NKAIN3: variants seen among roughly 807,000 people sequenced by gnomAD.
The protein encoded by NKAIN3 is sodium/potassium-transporting ATPase subunit beta-1-interacting protein 3.
In NKAIN3, 25 loss-of-function variants were observed where a neutral mutation model predicts 30.2. That is an observed-to-expected ratio of 0.83 (90% CI 0.60 to 1.16). The LOEUF is 1.16. NKAIN3 is among the 50% of genes most tolerant of loss of function. The pLI, the probability that NKAIN3 is intolerant of heterozygous loss-of-function variation, is 0.00. For synonymous variants in NKAIN3, 91 were observed against 89.6 expected, an observed-to-expected ratio of 1.02 and a Z score of -0.09; for missense variants, 225 against 254.1, an observed-to-expected ratio of 0.89 and a Z score of 0.78.
At chr8:62,832,663 C>A (rs1023694450) in intron 4 of NKAIN3, among the ~76,000 whole-genome samples, 2 of 148,360 alleles carry the variant, frequency 1.3e-5, no homozygotes, top group African/African-American at 2.6e-5. Flanking sequence ...TATATATGCA[C>A]CCAATATTGG....
At chr8:62,337,334 T>C (rs1815590104) in intron 1 of NKAIN3, among the ~76,000 whole-genome samples, 1 of 152,012 alleles carries the variant, frequency 6.6e-6, no homozygotes, top group Non-Finnish European at 1.5e-5. Flanking sequence ...TTCAACACAA[T>C]GATCACCTTA....
intron 3 of NKAIN3, among the ~76,000 whole-genome samples, chr8:62,597,568 C>G (rs1165041051): frequency 6.6e-6 from 1 of 151,824 alleles, no homozygotes; most frequent in Non-Finnish European, 1.5e-5. Flanking sequence ...TTCTATTTTT[C>G]AAGGTGAAAA....
chr8:62,948,625 TTAAAG>T (rs1823192297), intron 5 of NKAIN3, among the ~76,000 whole-genome samples: 1 of 152,244 alleles, frequency 6.6e-6, no homozygotes, highest in Non-Finnish European at 1.5e-5. Flanking sequence ...TTTTACAACT[TTAAAG>T]TATCTTTTCA....
chr8:62,793,026 A>C (rs571919573), intron 4 of NKAIN3, among the ~76,000 whole-genome samples: 1 of 152,118 alleles, frequency 6.6e-6, no homozygotes, highest in Non-Finnish European at 1.5e-5. Context: ...TGTTGGTCAA[A>C]AGAGTCAACT....
intron 4 of NKAIN3, among the ~76,000 whole-genome samples, chr8:62,772,282 A>G (rs1482960545): frequency 6.6e-6 from 1 of 152,186 alleles, no homozygotes; most frequent in East Asian, 1.9e-4. Flanking sequence ...GTGTATGTAT[A>G]CCACATTTTC....
At chr8:62,392,181 A>G (rs1817602968) in intron 1 of NKAIN3, among the ~76,000 whole-genome samples, 1 of 152,062 alleles carries the variant, frequency 6.6e-6, no homozygotes, top group South Asian at 2.1e-4. Context: ...TGCTTTTGAA[A>G]TTGTTATTAC....
At chr8:62,520,127 A>C (rs2129780705) in intron 1 of NKAIN3, among the ~76,000 whole-genome samples, 1 of 152,250 alleles carries the variant, frequency 6.6e-6, no homozygotes, top group East Asian at 1.9e-4. Context: ...GATTTGTAGC[A>C]AGCTGGAGTT....
intron 1 of NKAIN3, among the ~76,000 whole-genome samples, chr8:62,268,793 T>C (rs541357698): frequency 1.3e-5 from 2 of 152,230 alleles, no homozygotes; most frequent in South Asian, 2.1e-4. Flanking sequence ...ACCCAGGTTC[T>C]CTCTACTGCT....
At chr8:62,353,532 A>T (rs1816247171) in intron 1 of NKAIN3, among the ~76,000 whole-genome samples, 1 of 152,188 alleles carries the variant, frequency 6.6e-6, no homozygotes, top group Non-Finnish European at 1.5e-5. Context: ...TGAATGGTAT[A>T]TTATCTGTTT....
chr8:62,253,279 T>C (rs1302026950), intron 1 of NKAIN3, among the ~76,000 whole-genome samples: 1 of 152,226 alleles, frequency 6.6e-6, no homozygotes, highest in African/African-American at 2.4e-5. Context: ...ATATTTTTTA[T>C]TGTAGAGAAC....
intron 1 of NKAIN3, among the ~76,000 whole-genome samples, chr8:62,272,753 G>A (rs1812816962): frequency 6.6e-6 from 1 of 152,080 alleles, no homozygotes; most frequent in African/African-American, 2.4e-5. Context: ...CTCTAACTAT[G>A]GCCTGCCAAG....
chr8:62,280,164 G>A (rs1433373325), intron 1 of NKAIN3, among the ~76,000 whole-genome samples: 1 of 93,872 alleles, frequency 1.1e-5, no homozygotes, highest in African/African-American at 3.7e-5. Flanking sequence ...CTCACGATTT[G>A]GCTCTCTGTT....
intron 1 of NKAIN3, among the ~76,000 whole-genome samples, chr8:62,289,281 C>G (rs13278227): frequency 0.57 from 86,045 of 149,666 alleles, 24,726 homozygotes; most frequent in East Asian, 0.67. Flanking sequence ...CTTTTGTTGC[C>G]TTTGCTTTTG....
At chr8:62,345,498 TATATACAC>T (rs1815945221) in intron 1 of NKAIN3, among the ~76,000 whole-genome samples, 3 of 27,142 alleles carry the variant, frequency 1.1e-4, no homozygotes, top group African/African-American at 4.4e-4. Context: ...TATACACACA[TATATACAC>T]ATATATACAC....
intron 1 of NKAIN3, among the ~76,000 whole-genome samples, chr8:62,382,844 C>A (rs1817319140): frequency 1.3e-5 from 2 of 152,132 alleles, no homozygotes; most frequent in Non-Finnish European, 2.9e-5. Flanking sequence ...ATTTCTTTCA[C>A]AGTTTCCTTG....
At chr8:62,896,797 T>C (rs554258551) in intron 4 of NKAIN3, among the ~76,000 whole-genome samples, 2 of 152,220 alleles carry the variant, frequency 1.3e-5, no homozygotes, top group Admixed American at 6.6e-5. Context: ...ACTATGTGAA[T>C]TTGGATGGAT....
intron 5 of NKAIN3, among the ~76,000 whole-genome samples, chr8:62,924,550 C>T (rs1055693592): frequency 1.3e-5 from 2 of 152,136 alleles, no homozygotes; most frequent in Non-Finnish European, 2.9e-5. Context: ...TCTTCCTTTT[C>T]TCCTCTCTAT....
chr8:62,922,012 C>A (rs1822294852), intron 5 of NKAIN3, among the ~76,000 whole-genome samples: 1 of 152,198 alleles, frequency 6.6e-6, no homozygotes, highest in Non-Finnish European at 1.5e-5. Flanking sequence ...TATTTGGGCT[C>A]ACAAAGGCTA....
chr8:62,579,646 C>A lies in NKAIN3; in HGVS notation c.162C>A (p.Thr54=), dbSNP rs374360473. 3 of 1,601,032 alleles carry A rather than the reference C, an allele frequency of 1.9e-6. No individual in the cohort carries two copies. The highest frequency in any genetic ancestry group is 3.4e-5 in the Admixed American group (2 of 59,178). ...IIVVILGLFG[T]IQYRPRYIMV... is the part of the protein sequence containing the mutation. ...TTGTCATATTGGGTTTGTTTGGGAC[C>A]ATTCAGTACAGACCTCGATACATAA... is the stretch of plus-strand genomic sequence containing the variant. Residue 54 remains threonine, a synonymous_variant, in exon 2 of 7, where the codon ACC becomes ACA. Transcript: ENST00000623646.
Sources: allele counts gnomAD v4.1 joint callset (sites outside exome capture counted in the v4.1 genomes callset), GRCh38; gene constraint gnomAD v4.1.1; transcripts MANE v1.5; gene names NCBI Gene and HGNC (gene_info 2026-07-23, HGNC 2026-07-21).